PPP1CC: variants seen among roughly 807,000 people sequenced by gnomAD.
PPP1CC encodes protein phosphatase 1 catalytic subunit gamma.
Under a neutral mutation model 38.4 loss-of-function variants are expected in PPP1CC, and 16 were observed. The ratio of observed to expected loss-of-function variants is 0.42; its 90% CI spans 0.28 to 0.63. The LOEUF is 0.63. PPP1CC is among the 30% of genes least tolerant of loss of function. The pLI is 0.25. For synonymous variants in PPP1CC, 158 were observed against 136.0 expected, an observed-to-expected ratio of 1.16 and a Z score of -1.13; for missense variants, 170 against 391.3, an observed-to-expected ratio of 0.43 and a Z score of 4.77.
In PPP1CC at chr12:110,720,432, CA is replaced by C. The variant is rs1435533092; in HGVS notation, c.*643del. 4.2e-6 allele frequency: 2 copies of C among 473,144 alleles called. No homozygotes were observed. Among genetic ancestry groups the C allele is most frequent in the African/African-American group, 4.0e-5 (2 of 50,114 alleles). 29.3% of individuals were successfully genotyped at this position (473,144 alleles called of 1,614,324 possible). A position where few individuals can be genotyped will look rare whatever the true frequency, so the allele number is the denominator to read the frequency against. On this transcript the variant is annotated 3_prime_UTR_variant, in exon 7 of 7. Coordinates refer to ENST00000335007, the MANE Select transcript of PPP1CC (RefSeq NM_002710.4). Reference sequence around the variant, plus strand: ...AAACTTTGGCTTTAGGAAAGAGTCACAAATATTTAAAAGAATGGCTTTGTCA... The same window carrying C: ...AAACTTTGGCTTTAGGAAAGAGTCACAATATTTAAAAGAATGGCTTTGTCA...
At chr12:110,718,793 T>A (rs541260746), downstream of PPP1CC, among the ~76,000 whole-genome samples, 10 of 152,274 alleles carry the variant, frequency 6.6e-5, no homozygotes, top group South Asian at 1.7e-3. Flanking sequence ...GGCCAAGACT[T>A]GGGTTATCAC....
At chr12:110,732,896 T>C (rs888053482) in intron 1 of PPP1CC, 8 of 152,168 alleles carry the variant, frequency 5.3e-5, no homozygotes, top group African/African-American at 1.9e-4. Context: ...ACAGATAAAG[T>C]AGCACGGAAC....
chr12:110,716,760 A>T (rs1369097505), downstream of PPP1CC, among the ~76,000 whole-genome samples: 1 of 152,208 alleles, frequency 6.6e-6, no homozygotes, highest in Non-Finnish European at 1.5e-5. Flanking sequence ...CACAACTGAA[A>T]TACTTACCTG....
downstream of PPP1CC, among the ~76,000 whole-genome samples, chr12:110,718,337 G>A (rs1051026749): frequency 1.3e-5 from 2 of 152,158 alleles, no homozygotes; most frequent in Non-Finnish European, 2.9e-5. Context: ...TTGTAATGGT[G>A]CTGTCATCTT....
chr12:110,736,011 C>A (rs1302406302), intron 1 of PPP1CC, among the ~76,000 whole-genome samples: 2 of 151,950 alleles, frequency 1.3e-5, no homozygotes, highest in Non-Finnish European at 2.9e-5. Flanking sequence ...TGCAGTGAGC[C>A]CAGATCGCAT....
chr12:110,720,412 T>G lies in PPP1CC; in HGVS notation c.*664A>C, dbSNP rs1351614301. 2.1e-6 allele frequency: 1 copy of G among 479,270 alleles called. No individual in the cohort carries two copies. The highest frequency in any genetic ancestry group is 3.7e-6 in the Non-Finnish European group (1 of 271,398). 29.7% of individuals were successfully genotyped at this position (479,270 alleles called of 1,614,324 possible). A position where few individuals can be genotyped will look rare whatever the true frequency, so the allele number is the denominator to read the frequency against. On this transcript the variant is annotated 3_prime_UTR_variant, in exon 7 of 7. Coordinates refer to ENST00000335007, the MANE Select transcript of PPP1CC (RefSeq NM_002710.4). ...GTCAAAACATAATTCAACAGAAACT[T>G]TGGCTTTAGGAAAGAGTCACAAATA...
At chr12:110,715,859 G>C (rs1178689209), downstream of PPP1CC, among the ~76,000 whole-genome samples, 1 of 150,790 alleles carries the variant, frequency 6.6e-6, no homozygotes, top group Non-Finnish European at 1.5e-5. Flanking sequence ...GACCTCAGGT[G>C]ATCTGCCTGC....
chr12:110,739,039 G>C (rs1356887177), intron 1 of PPP1CC, among the ~76,000 whole-genome samples: 1 of 152,180 alleles, frequency 6.6e-6, no homozygotes, highest in Non-Finnish European at 1.5e-5. Context: ...ATAATTACAG[G>C]CTGGGCACGG....
At chr12:110,735,110 G>C (rs1160083576) in intron 1 of PPP1CC, 1 of 149,730 alleles carries the variant, frequency 6.7e-6, no homozygotes, top group East Asian at 2.0e-4. Context: ...CTGGAGTGCA[G>C]TGATGCGATC....
the PPP1CC span, among the ~76,000 whole-genome samples, chr12:110,713,741 T>C: frequency 6.6e-6 from 1 of 152,280 alleles, no homozygotes; most frequent in African/African-American, 2.4e-5. Flanking sequence ...GTTCCACCTG[T>C]CAAAAAAGTT....
downstream of PPP1CC, among the ~76,000 whole-genome samples, chr12:110,718,970 T>TA (rs955908641): frequency 1.6e-4 from 25 of 152,074 alleles, no homozygotes; most frequent in African/African-American, 5.3e-4. Context: ...TAGTACTTGA[T>TA]AAATGTTCCT....
intron 4 of PPP1CC, among the ~76,000 whole-genome samples, chr12:110,723,965 G>A (rs1383393046): frequency 2.0e-5 from 3 of 152,118 alleles, no homozygotes; most frequent in African/African-American, 4.8e-5. Flanking sequence ...TCTGCCGGGC[G>A]TGGTGGCTCA....
At chr12:110,733,071 A>G (rs2069898168) in intron 1 of PPP1CC, 1 of 152,250 alleles carries the variant, frequency 6.6e-6, no homozygotes, top group Non-Finnish European at 1.5e-5. Flanking sequence ...TTAATAAAAC[A>G]GCAACTGAGC....
the PPP1CC span, among the ~76,000 whole-genome samples, chr12:110,710,717 C>CAAAAAA: frequency 3.6e-5 from 1 of 27,898 alleles, no homozygotes; most frequent in African/African-American, 1.4e-4. Context: ...GACTCTGTCT[C>CAAAAAA]AAAAAAAAAA....
downstream of PPP1CC, among the ~76,000 whole-genome samples, chr12:110,716,576 C>T (rs1442160564): frequency 6.6e-6 from 1 of 152,136 alleles, no homozygotes. Context: ...TGGTCTCATA[C>T]TCGTGACCTC....
chr12:110,711,950 A>C, the PPP1CC span, among the ~76,000 whole-genome samples: 1 of 152,098 alleles, frequency 6.6e-6, no homozygotes, highest in South Asian at 2.1e-4. Flanking sequence ...AAACAACAAC[A>C]AACCATTAAA....
chr12:110,708,789 G>A, the PPP1CC span, among the ~76,000 whole-genome samples: 1 of 149,554 alleles, frequency 6.7e-6, no homozygotes, highest in African/African-American at 2.5e-5. Context: ...GGAGGTTGCA[G>A]TCAGTGAGCT....
At chr12:110,713,930 C>T in the PPP1CC span, among the ~76,000 whole-genome samples, 2 of 152,216 alleles carry the variant, frequency 1.3e-5, no homozygotes, top group African/African-American at 4.8e-5. Flanking sequence ...GAAATCCTGT[C>T]TCTACTAAAA....
the PPP1CC span, among the ~76,000 whole-genome samples, chr12:110,713,000 G>A: frequency 2.0e-5 from 3 of 152,018 alleles, no homozygotes; most frequent in Non-Finnish European, 2.9e-5. Context: ...TTGAACTTGG[G>A]AGGTGGAGGT....
Sources: gnomAD v4.1 joint callset for allele counts (sites outside exome capture counted in the v4.1 genomes callset) on GRCh38, gnomAD v4.1.1 for gene constraint, MANE v1.5 for transcripts, NCBI Gene and HGNC (gene_info 2026-07-23, HGNC 2026-07-21) for gene names.